The following CFAP47 variants were observed in gnomAD, a reference collection of about 807,000 sequenced individuals.
CFAP47 encodes the protein cilia and flagella associated protein 47, also known as cilia- and flagella-associated protein 47.
Under a neutral mutation model 148.1 loss-of-function variants are expected in CFAP47, and 29 were observed. That is an observed-to-expected ratio of 0.20 (90% CI 0.15 to 0.27). The LOEUF (loss-of-function observed/expected upper bound fraction) is 0.27, where lower values mean the gene tolerates loss of function less well. CFAP47 is among the 10% of genes least tolerant of loss of function. The pLI, the probability that CFAP47 is intolerant of heterozygous loss-of-function variation, is 1.00. For missense variants in CFAP47, 1,872 were observed against 1,697.5 expected, an observed-to-expected ratio of 1.10 and a Z score of -1.81; for synonymous variants, 664 against 577.3, an observed-to-expected ratio of 1.15 and a Z score of -2.15.
chrX:36,213,613 T>C (rs1400796899), intron 45 of CFAP47, among the ~76,000 whole-genome samples: 1 of 111,805 alleles, frequency 8.9e-6, no homozygotes, highest in Admixed American at 9.5e-5. Context: ...GCCCAGGAAA[T>C]TTAAGTGTCT....
intron 53 of CFAP47, 100 bp downstream of exon 53, chrX:36,301,279 A>G (rs1177358695): frequency 2.1e-6 from 1 of 475,497 alleles, no homozygotes; most frequent in Non-Finnish European, 3.4e-6. Context: ...TAAAGAATAA[A>G]TATATCTTTA....
At chrX:36,327,180 G>T (rs1201975420) in intron 57 of CFAP47, among the ~76,000 whole-genome samples, 1 of 111,671 alleles carries the variant, frequency 9.0e-6, no homozygotes, top group Admixed American at 9.5e-5. Context: ...TGTAGACACA[G>T]TAAACACATT....
At chrX:36,167,991 A>G (rs1939513597) in intron 39 of CFAP47, among the ~76,000 whole-genome samples, 1 of 108,833 alleles carries the variant, frequency 9.2e-6, no homozygotes, top group African/African-American at 3.3e-5. Flanking sequence ...GTTGGTCTTA[A>G]ATATTATTTT....
chrX:35,920,096 C>T (rs1935554300), intron 1 of CFAP47, 48 bp downstream of exon 1: 2 of 1,128,013 alleles, frequency 1.8e-6, no homozygotes, highest in Admixed American at 5.3e-5. Context: ...AGAGCGCCTC[C>T]TCACACTGCG....
At chrX:36,110,792 T>G (rs776137926) in intron 33 of CFAP47, among the ~76,000 whole-genome samples, 11 of 111,873 alleles carry the variant, frequency 9.8e-5, no homozygotes, top group Non-Finnish European at 1.9e-4. Flanking sequence ...CTTTGAGCAG[T>G]GTTTTGTAAT....
At chrX:36,118,770 A>T (rs1938687934) in intron 33 of CFAP47, among the ~76,000 whole-genome samples, 2 of 111,874 alleles carry the variant, frequency 1.8e-5, no homozygotes, top group Admixed American at 1.9e-4. Context: ...CACCGCGCCC[A>T]TGCTAGAAAC....
At chrX:36,215,588 A>T (rs1434742452) in intron 45 of CFAP47, among the ~76,000 whole-genome samples, 3 of 111,398 alleles carry the variant, frequency 2.7e-5, no homozygotes, top group African/African-American at 9.8e-5. Context: ...GTAAGCACAT[A>T]AAAAAATTGG....
chrX:36,209,790 A>G (rs1291056320), intron 45 of CFAP47, among the ~76,000 whole-genome samples: 3 of 111,507 alleles, frequency 2.7e-5, no homozygotes, highest in Non-Finnish European at 5.7e-5. Context: ...GTATAATTCA[A>G]TAGTTTTCAG....
intron 63 of CFAP47, among the ~76,000 whole-genome samples, chrX:36,381,325 A>T (rs1347814577): frequency 8.9e-6 from 1 of 111,956 alleles, no homozygotes; most frequent in African/African-American, 3.2e-5. Flanking sequence ...TTTCTAGAAC[A>T]TTATATAAAT....
intron 57 of CFAP47, 137 bp downstream of exon 57, chrX:36,319,444 G>C (rs1231379652): frequency 4.8e-6 from 1 of 209,831 alleles, no homozygotes; most frequent in Non-Finnish European, 8.6e-6. Context: ...ACAAATTTTA[G>C]TAAGTTGATA....
chrX:36,327,326 A>G (rs73199371), intron 57 of CFAP47, among the ~76,000 whole-genome samples: 6,513 of 112,337 alleles, frequency 0.058, 163 homozygotes, highest in Middle Eastern at 0.12. Flanking sequence ...AACACTTTTC[A>G]AAAGAAGATG....
At chrX:36,022,607 A>T (rs1417064965) in intron 22 of CFAP47, among the ~76,000 whole-genome samples, 1 of 110,770 alleles carries the variant, frequency 9.0e-6, no homozygotes, top group African/African-American at 3.3e-5. Flanking sequence ...TAACTCTTAG[A>T]TTTGTCCTTC....
chrX:36,371,831 T>A (rs1309279843), intron 62 of CFAP47, among the ~76,000 whole-genome samples: 1 of 69,662 alleles, frequency 1.4e-5, no homozygotes, highest in African/African-American at 7.1e-5. Context: ...TATACACACA[T>A]GTGTGTATAT....
intron 26 of CFAP47, among the ~76,000 whole-genome samples, chrX:36,061,665 A>G (rs1333990119): frequency 8.9e-6 from 1 of 112,483 alleles, no homozygotes; most frequent in Non-Finnish European, 1.9e-5. Flanking sequence ...AAAAATTGTA[A>G]ATAGGTATGG....
intron 48 of CFAP47, among the ~76,000 whole-genome samples, chrX:36,250,526 G>A (rs889508289): frequency 3.6e-5 from 4 of 110,166 alleles, no homozygotes; most frequent in African/African-American, 1.3e-4. Flanking sequence ...TTATAACAAC[G>A]TACTGTATTC....
chrX:36,237,684 T>G (rs1391650444), intron 48 of CFAP47, among the ~76,000 whole-genome samples: 4 of 111,991 alleles, frequency 3.6e-5, no homozygotes, highest in Non-Finnish European at 7.5e-5. Context: ...TTGGTTTGTT[T>G]AAACCAATCT....
At chrX:36,003,614 G>C (rs1936942036) in intron 21 of CFAP47, among the ~76,000 whole-genome samples, 1 of 109,799 alleles carries the variant, frequency 9.1e-6, no homozygotes, top group Non-Finnish European at 1.9e-5. Flanking sequence ...AGGTATTGAA[G>C]GAACACACCT....
intron 8 of CFAP47, among the ~76,000 whole-genome samples, chrX:35,961,283 C>G (rs1246165141): frequency 2.7e-5 from 3 of 111,538 alleles, no homozygotes; most frequent in Non-Finnish European, 5.7e-5. Context: ...CATAAGAATG[C>G]AGATTTTTAA....
chrX:35,989,696 G>A, intron 16 of CFAP47: 1 of 741,342 alleles, frequency 1.3e-6, no homozygotes, highest in Non-Finnish European at 1.9e-6. Context: ...GATTAAAAAT[G>A]TGAGTAGAGG....
Sources: allele counts gnomAD v4.1 joint callset (sites outside exome capture counted in the v4.1 genomes callset), GRCh38; gene constraint gnomAD v4.1.1; transcripts MANE v1.5; gene names NCBI Gene and HGNC (gene_info 2026-07-23, HGNC 2026-07-21).